Variants in RAP1GAP2 observed in about 807,000 individuals in gnomAD.
RAP1GAP2 encodes the protein rap1 GTPase-activating protein 2.
RAP1GAP2 carries 27 observed loss-of-function variants against 95.0 expected under a neutral mutation model. The observed-to-expected ratio is 0.28, with a 90% CI of 0.21 to 0.39. The LOEUF (loss-of-function observed/expected upper bound fraction) is 0.39, where lower values mean the gene tolerates loss of function less well. RAP1GAP2 is among the 10% of genes least tolerant of loss of function. RAP1GAP2 has a pLI of 1.00. For synonymous variants in RAP1GAP2, 373 were observed against 380.9 expected, an observed-to-expected ratio of 0.98 and a Z score of 0.24; for missense variants, 771 against 970.0, an observed-to-expected ratio of 0.79 and a Z score of 2.72.
chr17:2,882,091 A>T (rs2073322326), intron 2 of RAP1GAP2, among the ~76,000 whole-genome samples: 1 of 141,046 alleles, frequency 7.1e-6, no homozygotes, highest in African/African-American at 2.6e-5. Flanking sequence ...AAGTGCTGGG[A>T]TTACAGGCAT....
At chr17:2,773,404 A>G (rs2068435574), upstream of RAP1GAP2, among the ~76,000 whole-genome samples, 1 of 152,294 alleles carries the variant, frequency 6.6e-6, no homozygotes, top group African/African-American at 2.4e-5. Context: ...TCAGCAAGCA[A>G]TTGTTCTTTC....
At chr17:2,969,900 G>T (rs1012888237) in intron 8 of RAP1GAP2, among the ~76,000 whole-genome samples, 2 of 151,930 alleles carry the variant, frequency 1.3e-5, no homozygotes, top group African/African-American at 4.8e-5. Context: ...AGATTTTTCC[G>T]TATTAGCATA....
chr17:2,842,090 G>A (rs2071393927), intron 2 of RAP1GAP2, among the ~76,000 whole-genome samples: 1 of 152,168 alleles, frequency 6.6e-6, no homozygotes, highest in Non-Finnish European at 1.5e-5. Flanking sequence ...ACCTGGGGGA[G>A]TATTGGGGTC....
chr17:2,982,705 G>A (rs527938248), intron 10 of RAP1GAP2, among the ~76,000 whole-genome samples: 12 of 152,104 alleles, frequency 7.9e-5, no homozygotes, highest in Non-Finnish European at 1.3e-4. Flanking sequence ...CCATCATAAA[G>A]GTCTAACTTA....
chr17:2,839,667 G>A (rs1163227022), intron 2 of RAP1GAP2, among the ~76,000 whole-genome samples: 3 of 152,052 alleles, frequency 2.0e-5, no homozygotes, highest in Admixed American at 6.6e-5. Flanking sequence ...CTTGTTTTTG[G>A]CAGCCCTGAC....
intron 19 of RAP1GAP2, among the ~76,000 whole-genome samples, chr17:3,023,649 T>C (rs1348439509): frequency 2.6e-5 from 4 of 152,330 alleles, no homozygotes; most frequent in African/African-American, 9.6e-5. Flanking sequence ...TTTTCTTTTA[T>C]TATTATACTT....
rs1222861160 is a variant in RAP1GAP2, at chr17:2,757,369, A to T, written c.50+1602A>T. On this transcript the variant is annotated intron_variant, in intron 1 of 25. Transcript: ENST00000637138. The stretch of plus-strand genomic sequence containing the variant: ...ACTCCTGGGCTCGAGCGATCTACCC[A>T]CTTCAGCCTCCCAAAGTGCTGGGAT... 2.0e-5 allele frequency among the ~76,000 whole-genome samples: 3 copies of T among 152,074 alleles called. No individual in the cohort carries two copies. In the East Asian group the frequency reaches 5.8e-4, roughly 29 times the overall value.
Position 2,902,133 on chromosome 17 carries a change from G to A in RAP1GAP2, c.81-3151G>A, listed in dbSNP as rs1411964243. On this transcript the variant is annotated intron_variant, in intron 2 of 24. Coordinates refer to ENST00000254695, the MANE Select transcript of RAP1GAP2 (RefSeq NM_015085.5). This position sits in a 1 kb window ranked among gnomAD's most constrained non-coding sequence, Gnocchi z 4.1. ...GCGGGGTCGGCAAGCCTCAGCATGCGTTGGCTTGCAGCCGCATCACTCCTG... is the reference window on the plus strand; with the variant it reads ...GCGGGGTCGGCAAGCCTCAGCATGCATTGGCTTGCAGCCGCATCACTCCTG... Among the ~76,000 whole-genome samples the A allele has an allele frequency of 1.3e-5, 2 of 152,160 alleles. No individual in the cohort carries two copies. The highest frequency in any genetic ancestry group is 1.5e-5 in the Non-Finnish European group (1 of 68,032).
At chr17:2,886,707 C>T (rs1449671887) in intron 2 of RAP1GAP2, among the ~76,000 whole-genome samples, 1 of 152,148 alleles carries the variant, frequency 6.6e-6, no homozygotes, top group South Asian at 2.1e-4. Context: ...TTTGCACGGC[C>T]CTTGAACTAC....
At chr17:2,992,715 T>G (rs1249341906) in intron 12 of RAP1GAP2, among the ~76,000 whole-genome samples, 3 of 152,214 alleles carry the variant, frequency 2.0e-5, no homozygotes, top group African/African-American at 7.2e-5. Context: ...TATTCACTAA[T>G]TGCTTTCTTC....
upstream of RAP1GAP2, among the ~76,000 whole-genome samples, chr17:2,775,342 C>T (rs556690400): frequency 3.7e-4 from 57 of 152,064 alleles, no homozygotes; most frequent in Non-Finnish European, 7.9e-4. Context: ...CACAGGGCAT[C>T]GAGATCATGA....
intron 16 of RAP1GAP2, among the ~76,000 whole-genome samples, chr17:3,006,278 G>A (rs764644593): frequency 4.0e-5 from 6 of 151,386 alleles, no homozygotes; most frequent in Non-Finnish European, 7.4e-5. Context: ...ACAGGTGTGC[G>A]CCACCACGCC....
chr17:3,028,967 T>G (rs1383732143), intron 22 of RAP1GAP2, among the ~76,000 whole-genome samples: 2 of 152,106 alleles, frequency 1.3e-5, no homozygotes, highest in East Asian at 3.9e-4. Flanking sequence ...GCCCGGCTAA[T>G]TTTTTTATTT....
intron 2 of RAP1GAP2, among the ~76,000 whole-genome samples, chr17:2,814,565 G>C (rs1306612341): frequency 3.3e-5 from 5 of 152,150 alleles, no homozygotes; most frequent in Admixed American, 6.5e-5. Context: ...GCGCCGTGGG[G>C]ATCTGGTGGT....
intron 2 of RAP1GAP2, among the ~76,000 whole-genome samples, chr17:2,813,888 G>A (rs111664644): frequency 0.029 from 4,467 of 152,110 alleles, 230 homozygotes; most frequent in African/African-American, 0.1. Context: ...ACTTAAACCC[G>A]GGAGGCGGAG....
chr17:2,776,072 G>T (rs193107635), upstream of RAP1GAP2, among the ~76,000 whole-genome samples: 1 of 152,136 alleles, frequency 6.6e-6, no homozygotes, highest in Non-Finnish European at 1.5e-5. Flanking sequence ...CCAGCTACTC[G>T]GCAGGCTGAG....
chr17:2,873,881 G>A (rs1291207928), intron 2 of RAP1GAP2, among the ~76,000 whole-genome samples: 1 of 151,844 alleles, frequency 6.6e-6, no homozygotes, highest in African/African-American at 2.4e-5. Flanking sequence ...TCCTGCCTCA[G>A]CCTCCCGAGT....
intron 2 of RAP1GAP2, among the ~76,000 whole-genome samples, chr17:2,851,887 A>G (rs867206986): frequency 1.3e-5 from 2 of 152,116 alleles, no homozygotes; most frequent in African/African-American, 2.4e-5. Context: ...CCCACTGTGC[A>G]CTTGACCTGA....
At chr17:2,968,162 A>G (rs942281165) in intron 8 of RAP1GAP2, among the ~76,000 whole-genome samples, 1 of 152,238 alleles carries the variant, frequency 6.6e-6, no homozygotes, top group Non-Finnish European at 1.5e-5. Flanking sequence ...TAGAAAAAAT[A>G]CACACTAAGA....
Sources: allele counts gnomAD v4.1 joint callset (sites outside exome capture counted in the v4.1 genomes callset), GRCh38; gene constraint gnomAD v4.1.1; non-coding constraint Gnocchi (gnomAD v3.1); transcripts MANE v1.5; gene names NCBI Gene and HGNC (gene_info 2026-07-23, HGNC 2026-07-21).